The following CDKN2B-AS1 variants were observed in gnomAD, a reference collection of about 807,000 sequenced individuals.
The protein encoded by CDKN2B-AS1 is CDKN2B and CDKN2A antisense cis and trans regulatory RNA 1.
intron 4 of CDKN2B-AS1, among the ~76,000 whole-genome samples, chr9:22,106,281 G>T (rs1587540020): frequency 6.6e-6 from 1 of 151,930 alleles, no homozygotes; most frequent in Admixed American, 6.6e-5. Context: ...TAGGGTTTCA[G>T]CATGTTGGCC....
intron 1 of CDKN2B-AS1, among the ~76,000 whole-genome samples, chr9:22,015,855 G>A (rs1303615077): frequency 1.3e-5 from 2 of 152,046 alleles, no homozygotes; most frequent in Non-Finnish European, 2.9e-5. Flanking sequence ...GTGATGATGA[G>A]CATTTTTTCA....
At chr9:22,125,162 C>T (rs183582810) in intron 4 of CDKN2B-AS1, among the ~76,000 whole-genome samples, 2 of 152,280 alleles carry the variant, frequency 1.3e-5, no homozygotes, top group Non-Finnish European at 2.9e-5. Context: ...GATGACTTGG[C>T]TATAAATGCC....
intron 3 of CDKN2B-AS1, among the ~76,000 whole-genome samples, chr9:22,052,788 T>C (rs1823406159): frequency 6.6e-6 from 1 of 152,240 alleles, no homozygotes. Flanking sequence ...GTTCTCAACA[T>C]AAAATGAAGT....
chr9:22,038,886 G>A (rs979506997), intron 1 of CDKN2B-AS1, among the ~76,000 whole-genome samples: 1 of 152,026 alleles, frequency 6.6e-6, no homozygotes, highest in Non-Finnish European at 1.5e-5. Flanking sequence ...CTGGTATAGT[G>A]TATGCATAGT....
intron 4 of CDKN2B-AS1, chr9:22,120,434 G>T (rs781103550): frequency 6.6e-6 from 1 of 152,098 alleles, no homozygotes; most frequent in Non-Finnish European, 1.5e-5. Flanking sequence ...AAAATGTCAG[G>T]GGCTCCAGGA....
At position 22,005,087 on chromosome 9, in the gene CDKN2B-AS1, CAT is replaced by C. The variant is rs1415964363; in HGVS notation, n.29+9928_29+9929del. ...ATCACAAAATCAAAAAGTAGCAAGT[CAT>C]AAGGGGATTTCCGCATCCTAGCATG... On this transcript the variant is annotated intron_variant and non_coding_transcript_variant, in intron 1 of 4. Transcript: ENST00000650946. This position sits in a 1 kb window ranked among gnomAD's most constrained non-coding sequence, Gnocchi z 4.9. 4.3e-6 allele frequency: 1 copy of C among 231,604 alleles called. No individual in the cohort carries two copies. Among genetic ancestry groups the C allele is most frequent in the Non-Finnish European group, 8.5e-6 (1 of 117,900 alleles). 14.3% of individuals were successfully genotyped at this position (231,604 alleles called of 1,614,324 possible). A position where few individuals can be genotyped will look rare whatever the true frequency, so the allele number is the denominator to read the frequency against.
At chr9:22,025,847 A>T (rs1409111219) in intron 1 of CDKN2B-AS1, among the ~76,000 whole-genome samples, 1 of 152,174 alleles carries the variant, frequency 6.6e-6, no homozygotes, top group South Asian at 2.1e-4. Flanking sequence ...CCCCATTTTC[A>T]TAGAGGAGTT....
intron 4 of CDKN2B-AS1, among the ~76,000 whole-genome samples, chr9:22,084,854 T>C (rs763918818): frequency 3.3e-5 from 5 of 152,108 alleles, no homozygotes; most frequent in Non-Finnish European, 5.9e-5. Context: ...ACTAAAGAAA[T>C]TGCATTCTTT....
Position 22,106,309 on chromosome 9 carries a change from T to C in CDKN2B-AS1, n.439-20794T>C, listed in dbSNP as rs183745061. Among the ~76,000 whole-genome samples the C allele has an allele frequency of 8.1e-3, 1,230 of 152,128 alleles. 18 individuals carry two copies. The highest frequency in any genetic ancestry group is 0.028 in the African/African-American group (1,153 of 41,504). ...TGTTGGCCAGGTTGGTCTCAAACTC[T>C]TGACCTCATGATCCGCCCGCCTCAG... On this transcript the variant is annotated intron_variant and non_coding_transcript_variant, in intron 4 of 4. Coordinates refer to ENST00000650946, the Ensembl canonical transcript of CDKN2B-AS1.
intron 4 of CDKN2B-AS1, among the ~76,000 whole-genome samples, chr9:22,078,513 A>G (rs1009924619): frequency 9.9e-5 from 15 of 152,188 alleles, no homozygotes; most frequent in African/African-American, 2.7e-4. Context: ...GTTGCATTCA[A>G]TTTGAACAAG....
intron 1 of CDKN2B-AS1, among the ~76,000 whole-genome samples, chr9:22,010,679 A>G (rs1157447413): frequency 1.3e-5 from 2 of 152,220 alleles, no homozygotes; most frequent in Non-Finnish European, 2.9e-5. Flanking sequence ...CCACCTGGAC[A>G]GGGAAGGGAA....
chr9:22,006,994 T>C lies in CDKN2B-AS1; in HGVS notation n.29+11833T>C, dbSNP rs1038767943. Among the ~76,000 whole-genome samples the C allele has an allele frequency of 2.6e-4, 39 of 152,198 alleles. 1 individual carries two copies. The highest frequency in any genetic ancestry group is 2.6e-3 in the Admixed American group (39 of 15,278). ...ATTTTTAATGTAATATAAAACTAAC[T>C]ATATTTGTATACTACAGGATTTTAT... is the stretch of plus-strand genomic sequence containing the variant. On this transcript the variant is annotated intron_variant and non_coding_transcript_variant, in intron 1 of 4. Transcript: ENST00000650946. This position sits in a 1 kb window ranked among gnomAD's most constrained non-coding sequence, Gnocchi z 6.4.
At chr9:22,120,547 AG>A (rs746036247) in intron 4 of CDKN2B-AS1, 23 of 152,202 alleles carry the variant, frequency 1.5e-4, no homozygotes, top group Non-Finnish European at 3.2e-4. Flanking sequence ...GATTTGCCCA[AG>A]CATATAGATC....
intron 4 of CDKN2B-AS1, among the ~76,000 whole-genome samples, chr9:22,127,015 A>G (rs527989457): frequency 2.0e-5 from 3 of 152,240 alleles, no homozygotes; most frequent in Non-Finnish European, 4.4e-5. Context: ...AAACAAAACA[A>G]GATACTTTTT....
intron 4 of CDKN2B-AS1, among the ~76,000 whole-genome samples, chr9:22,071,371 C>T (rs1824288404): frequency 7.4e-6 from 1 of 135,016 alleles, no homozygotes; most frequent in Non-Finnish European, 1.5e-5. Flanking sequence ...GCGATCTTGG[C>T]TCACAGCAAA....
chr9:22,061,945 A>G (rs774756092), intron 4 of CDKN2B-AS1: 1 of 152,194 alleles, frequency 6.6e-6, no homozygotes, highest in Non-Finnish European at 1.5e-5. Context: ...TTATCCTCAT[A>G]TTATCAGATA....
chr9:22,026,795 T>C (rs1822258887), intron 1 of CDKN2B-AS1, among the ~76,000 whole-genome samples: 1 of 152,120 alleles, frequency 6.6e-6, no homozygotes, highest in Admixed American at 6.5e-5. Context: ...CATGCCTGAG[T>C]GGCTGCTCTG....
intron 1 of CDKN2B-AS1, among the ~76,000 whole-genome samples, chr9:22,022,558 T>A (rs1436018812): frequency 6.6e-6 from 1 of 152,162 alleles, no homozygotes; most frequent in Non-Finnish European, 1.5e-5. Context: ...GTAAGATGGA[T>A]CTCTTGAAGA....
intron 4 of CDKN2B-AS1, among the ~76,000 whole-genome samples, chr9:22,098,560 A>G (rs1416839995): frequency 1.3e-5 from 2 of 152,168 alleles, no homozygotes; most frequent in Admixed American, 6.6e-5. Flanking sequence ...GGGTACATCA[A>G]ATGCATTCTA....
Sources: allele counts gnomAD v4.1 joint callset (sites outside exome capture counted in the v4.1 genomes callset), GRCh38; gene constraint gnomAD v4.1.1; non-coding constraint Gnocchi (gnomAD v3.1); transcripts MANE v1.5; gene names NCBI Gene and HGNC (gene_info 2026-07-23, HGNC 2026-07-21).